Variants in CDH4 observed in about 807,000 individuals in gnomAD.
The protein encoded by CDH4 is cadherin 4.
A neutral mutation model predicts 86.0 loss-of-function variants in CDH4; 33 were observed. That is an observed-to-expected ratio of 0.38 (90% confidence interval 0.29 to 0.51). CDH4 has a LOEUF of 0.51. Among genes scored for constraint, CDH4 ranks in the 20% least tolerant of loss-of-function variants. The probability of loss-of-function intolerance (pLI) is 0.86; values close to 1 mark genes in which losing one functional copy is unlikely to be tolerated. For missense variants in CDH4, 1,114 were observed against 1,307.4 expected (o/e 0.85, Z 2.28); for synonymous variants, 555 against 549.4 (o/e 1.01, Z -0.14).
At chr20:61,261,397 A>G (rs1263416647) in intron 2 of CDH4, among the ~76,000 whole-genome samples, 1 of 152,232 alleles carries the variant, frequency 6.6e-6, no homozygotes, top group Non-Finnish European at 1.5e-5. Context: ...CGTTTGAGAA[A>G]TATGTGTTTT....
rs964710347 is a variant in CDH4, at chr20:61,709,854, C to A, written c.170-33709C>A. Among the ~76,000 whole-genome samples the A allele has an allele frequency of 6.6e-6, 1 of 152,202 alleles. No individual in the cohort carries two copies. The highest frequency in any genetic ancestry group is 2.4e-5 in the African/African-American group (1 of 41,448). Reference sequence around the variant, plus strand: ...ATTCTCATTTGTGTAGCACCTTACACCTCTGTAGATGTTTTTCAGAATGTT... The same window carrying A: ...ATTCTCATTTGTGTAGCACCTTACAACTCTGTAGATGTTTTTCAGAATGTT... On this transcript the variant is annotated intron_variant, in intron 2 of 15. Coordinates refer to ENST00000614565, the MANE Select transcript of CDH4 (RefSeq NM_001794.5). This position sits in a 1 kb window ranked among gnomAD's most constrained non-coding sequence, Gnocchi z 4.8.
At chr20:61,414,164 C>A (rs887012784) in intron 2 of CDH4, among the ~76,000 whole-genome samples, 1 of 152,228 alleles carries the variant, frequency 6.6e-6, no homozygotes, top group African/African-American at 2.4e-5. Context: ...ACGTTCTGTG[C>A]TGCTGGGGGT....
At chr20:61,924,792 C>T (rs943163018) in intron 11 of CDH4, among the ~76,000 whole-genome samples, 1 of 152,224 alleles carries the variant, frequency 6.6e-6, no homozygotes, top group African/African-American at 2.4e-5. Context: ...CCTCCAGGGG[C>T]ATCAGGGCAC....
At chr20:61,762,828 TGA>T (rs2088652186) in intron 3 of CDH4, among the ~76,000 whole-genome samples, 1 of 152,186 alleles carries the variant, frequency 6.6e-6, no homozygotes, top group African/African-American at 2.4e-5. Context: ...TCTTGGGTAA[TGA>T]GAGCCAGCAG....
chr20:61,294,673 G>A (rs1027288339), intron 2 of CDH4, among the ~76,000 whole-genome samples: 3 of 152,194 alleles, frequency 2.0e-5, no homozygotes, highest in South Asian at 2.1e-4. Flanking sequence ...GGCCCCTGTC[G>A]CCCACTCCAG....
In CDH4 at chr20:61,417,148, A is replaced by C. The variant is rs951856079; in HGVS notation, c.169+162211A>C. ...GGATAAAACCCAGATTCTGTGGCCT[A>C]TTTCCTTCTTCTTCAGAAAAGGACT... On this transcript the variant is annotated intron_variant, in intron 2 of 15. Coordinates refer to ENST00000614565, the MANE Select transcript of CDH4 (RefSeq NM_001794.5). The surrounding 1 kb of genome is among the most constrained non-coding windows in gnomAD (Gnocchi z 4.0). Among the ~76,000 whole-genome samples the C allele has an allele frequency of 6.6e-5, 10 of 151,872 alleles. No homozygotes were observed. The highest frequency in any genetic ancestry group is 1.3e-4 in the Admixed American group (2 of 15,256).
chr20:61,849,413 T>C (rs1428915159), intron 5 of CDH4, among the ~76,000 whole-genome samples: 1 of 152,198 alleles, frequency 6.6e-6, no homozygotes, highest in Non-Finnish European at 1.5e-5. Flanking sequence ...CAACGCCCTA[T>C]GAGTTCACCG....
chr20:61,878,943 C>G (rs1047330349), intron 7 of CDH4, among the ~76,000 whole-genome samples: 1 of 152,244 alleles, frequency 6.6e-6, no homozygotes, highest in African/African-American at 2.4e-5. Context: ...CAGAGCTGCC[C>G]TGCTCTTCCT....
intron 2 of CDH4, among the ~76,000 whole-genome samples, chr20:61,369,051 G>A (rs1261329917): frequency 3.3e-5 from 5 of 152,212 alleles, no homozygotes; most frequent in African/African-American, 4.8e-5. Flanking sequence ...GCCTACTATC[G>A]TCAAAAATGC....
At chr20:61,594,684 T>C (rs972568121) in intron 2 of CDH4, among the ~76,000 whole-genome samples, 13 of 152,280 alleles carry the variant, frequency 8.5e-5, no homozygotes, top group African/African-American at 3.1e-4. Context: ...AGAATAAATG[T>C]GCGTCTTTAA....
intron 2 of CDH4, among the ~76,000 whole-genome samples, chr20:61,495,890 G>A (rs1200772881): frequency 8.1e-5 from 9 of 110,702 alleles, no homozygotes; most frequent in Middle Eastern, 7.7e-3. Context: ...GCAACAGAGT[G>A]AGACTCCATC....
rs559667134 is a variant in CDH4, at chr20:61,845,747, G to A, written c.732+924G>A. Among the ~76,000 whole-genome samples, 51 of 152,368 alleles carry A rather than the reference G, an allele frequency of 3.3e-4. No individual in the cohort carries two copies. The Middle Eastern group carries it at 0.01, about 30-fold the overall frequency. ...AGCACAAGCCCGTGCTGTCAGGGCC[G>A]TGTGCTTCTCCGTGGTAACTCGGGA... On this transcript the variant is annotated intron_variant, in intron 5 of 15. Coordinates refer to ENST00000614565, the MANE Select transcript of CDH4 (RefSeq NM_001794.5).
intron 3 of CDH4, among the ~76,000 whole-genome samples, chr20:61,753,336 A>G (rs372322544): frequency 1.4e-4 from 21 of 152,310 alleles, no homozygotes; most frequent in African/African-American, 5.1e-4. Flanking sequence ...GGAGCTGGGT[A>G]AAACTGACAG....
At chr20:61,723,144 G>A (rs2088061569) in intron 2 of CDH4, among the ~76,000 whole-genome samples, 1 of 152,170 alleles carries the variant, frequency 6.6e-6, no homozygotes, top group African/African-American at 2.4e-5. Context: ...GACTCCCAGA[G>A]GATCAGAGTC....
chr20:61,379,302 G>T (rs1367753031), intron 2 of CDH4, among the ~76,000 whole-genome samples: 1 of 152,082 alleles, frequency 6.6e-6, no homozygotes, highest in East Asian at 1.9e-4. Flanking sequence ...TCTCAGTGAG[G>T]TCTTGGGAAT....
intron 2 of CDH4, among the ~76,000 whole-genome samples, chr20:61,731,306 G>A (rs59285897): frequency 0.043 from 6,599 of 152,176 alleles, 459 homozygotes; most frequent in African/African-American, 0.15. Context: ...CCCCTCACAC[G>A]TGCCCAGTCA....
At chr20:61,465,864 T>C (rs1169255389) in intron 2 of CDH4, among the ~76,000 whole-genome samples, 2 of 151,332 alleles carry the variant, frequency 1.3e-5, no homozygotes, top group African/African-American at 2.4e-5. Context: ...GACTTTTTTT[T>C]CTTTTTTTTT....
At chr20:61,702,018 G>T (rs77288567) in intron 2 of CDH4, among the ~76,000 whole-genome samples, 1 of 152,094 alleles carries the variant, frequency 6.6e-6, no homozygotes, top group Non-Finnish European at 1.5e-5. Flanking sequence ...TAGACCTCAC[G>T]GAGGTCTTGA....
intron 2 of CDH4, among the ~76,000 whole-genome samples, chr20:61,596,208 A>G (rs1217616993): frequency 2.0e-5 from 3 of 152,188 alleles, no homozygotes; most frequent in Non-Finnish European, 4.4e-5. Context: ...TCTTTCCCCT[A>G]ATGACTTCCC....
Sources: allele counts gnomAD v4.1 joint callset (sites outside exome capture counted in the v4.1 genomes callset), GRCh38; gene constraint gnomAD v4.1.1; non-coding constraint Gnocchi (gnomAD v3.1); transcripts MANE v1.5; gene names NCBI Gene and HGNC (gene_info 2026-07-23, HGNC 2026-07-21).